The following FABP4 variants were observed in gnomAD, a reference collection of about 807,000 sequenced individuals.
FABP4 encodes the protein fatty acid-binding protein, adipocyte.
Under a neutral mutation model 14.6 loss-of-function variants are expected in FABP4, and 17 were observed. The ratio of observed to expected loss-of-function variants is 1.16; its 90% CI spans 0.80 to 1.74. FABP4 has a LOEUF of 1.74. Among genes scored for constraint, FABP4 ranks in the 40% most tolerant of loss-of-function variants. The probability of loss-of-function intolerance (pLI) is 0.00; values close to 1 mark genes in which losing one functional copy is unlikely to be tolerated. For synonymous variants in FABP4, 54 were observed against 54.6 expected (o/e 0.99, Z 0.05); for missense variants, 149 against 160.3 (o/e 0.93, Z 0.38).
chr8:81,480,392 G>T, intron 2 of FABP4, 34 bp downstream of exon 2: 2 of 1,599,910 alleles, frequency 1.3e-6, no homozygotes, highest in African/African-American at 1.3e-5. Context: ...TTAGAAACCA[G>T]GCATGTACTC....
rs1455076087 is a variant in FABP4 at position 81,478,837 on chromosome 8, A to T, written c.*28T>A. On this transcript the variant is annotated 3_prime_UTR_variant, in exon 4 of 4. Transcript: ENST00000256104. ...CAGAATGTTGTAGAGTTCAATGCGA[A>T]CTTCAGTCCAGGTCAACGTCCCTTG... is the stretch of plus-strand genomic sequence containing the variant. 1.2e-6 allele frequency: 2 copies of T among 1,602,896 alleles called. No individual in the cohort carries two copies. Among genetic ancestry groups the T allele is most frequent in the Admixed American group, 3.4e-5 (2 of 59,032 alleles).
In FABP4 at chr8:81,478,630, T is replaced by C. The variant is rs1808007500; in HGVS notation, c.*235A>G. 1 of 392,216 alleles carries C rather than the reference T, an allele frequency of 2.5e-6. No individual in the cohort carries two copies. Among genetic ancestry groups the C allele is most frequent in the Non-Finnish European group, 4.6e-6 (1 of 218,010 alleles). 24.3% of individuals were successfully genotyped at this position (392,216 alleles called of 1,614,324 possible). On this transcript the variant is annotated 3_prime_UTR_variant, in exon 4 of 4. Transcript: ENST00000256104. ...GAAATAATGCAAATTTCCCATTTCC[T>C]TCACTCAGTTATGACTAAGAATACA...
chr8:81,479,767 A>ATTTACG, intron 2 of FABP4: 1 of 309,006 alleles, frequency 3.2e-6, no homozygotes, highest in East Asian at 6.0e-5. Context: ...AGAAATTTAC[A>ATTTACG]TTGCGATGGT....
At position 81,479,508 on chromosome 8, in the gene FABP4, A is replaced by AT; in HGVS notation, c.253dup (p.Ile85AsnfsTer28). 2 of 1,612,726 alleles carry AT rather than the reference A, an allele frequency of 1.2e-6. No individual in the cohort carries two copies. The highest frequency in any genetic ancestry group is 3.3e-4 in the Middle Eastern group (2 of 6,052). On this transcript the variant is annotated frameshift_variant, in exon 3 of 4. Transcript: ENST00000256104. LOFTEE classifies it high-confidence loss of function. ...TACCAGGACACCCCCATCTAAGGTT[A>AT]TGGTGCTCTGTAGGCATAAGAAAAT... is the stretch of plus-strand genomic sequence containing the variant.
At chr8:81,478,959 A>G (rs1158988127) in intron 3 of FABP4, 44 bp from the exon 4 acceptor site, 1 of 1,507,516 alleles carries the variant, frequency 6.6e-7, no homozygotes, top group African/African-American at 1.4e-5. Flanking sequence ...GGATTAAACC[A>G]TGGATTTATT....
Position 81,478,897 on chromosome 8 carries a change from C to G in FABP4, c.367G>C (p.Val123Leu), listed in dbSNP as rs781501069. The G allele has an allele frequency of 6.2e-7, 1 of 1,613,140 alleles. No homozygotes were observed. The highest frequency in any genetic ancestry group is 8.5e-7 in the Non-Finnish European group (1 of 1,179,350). ...KLVVECVMKG[V>L]TSTRVYERA ...CTCTCATAAACTCTCGTGGAAGTGA[C>G]GCCTTTCATGACGCATTCCTAGACA... Residue 123 changes from valine to leucine, a missense_variant, in exon 4 of 4, where the codon GTC becomes CTC. Physicochemically the swap from Val to Leu is conservative, Grantham distance 32 (BLOSUM62 1). Coordinates refer to ENST00000256104, the MANE Select transcript of FABP4 (RefSeq NM_001442.3).
At position 81,478,714 on chromosome 8, in the gene FABP4, A is replaced by T; in HGVS notation, c.*151T>A. 1.6e-6 allele frequency: 1 copy of T among 609,576 alleles called. No individual in the cohort carries two copies. Among genetic ancestry groups the T allele is most frequent in the Non-Finnish European group, 2.8e-6 (1 of 358,370 alleles). 37.8% of individuals were successfully genotyped at this position (609,576 alleles called of 1,614,324 possible). A position where few individuals can be genotyped will look rare whatever the true frequency, so the allele number is the denominator to read the frequency against. The stretch of plus-strand genomic sequence containing the variant: ...TTCTAAATCTAAAAAAAGTTTATTT[A>T]ACCAACGTAACCATATTGAATAAAA... On this transcript the variant is annotated 3_prime_UTR_variant, in exon 4 of 4. Coordinates refer to ENST00000256104, the MANE Select transcript of FABP4 (RefSeq NM_001442.3).
intron 3 of FABP4, 70 bp downstream of exon 3, chr8:81,479,344 T>G: frequency 8.3e-7 from 1 of 1,207,422 alleles, no homozygotes; most frequent in Non-Finnish European, 1.2e-6. Context: ...ATCTGTTTCC[T>G]TAAGTGGAAT....
intron 2 of FABP4, 125 bp from the exon 3 acceptor site, chr8:81,479,640 G>A (rs1808038273): frequency 3.4e-6 from 2 of 592,174 alleles, no homozygotes; most frequent in South Asian, 2.5e-5. Flanking sequence ...AGAATATATT[G>A]CAACAAGAAA....
At chr8:81,481,578 T>C (rs1339720818) in intron 1 of FABP4, among the ~76,000 whole-genome samples, 2 of 152,182 alleles carry the variant, frequency 1.3e-5, no homozygotes, top group Non-Finnish European at 2.9e-5. Flanking sequence ...ATCTAAGCTC[T>C]TTCTTTGACT....
rs1808012242 is a variant in FABP4, at chr8:81,478,810, C to T, written c.*55G>A. On this transcript the variant is annotated 3_prime_UTR_variant, in exon 4 of 4. Coordinates refer to ENST00000256104, the MANE Select transcript of FABP4 (RefSeq NM_001442.3). The stretch of plus-strand genomic sequence containing the variant: ...CAATATCTTTTTGAACAATATATCC[C>T]ACAGAATGTTGTAGAGTTCAATGCG... 6 of 1,440,714 alleles carry T rather than the reference C, an allele frequency of 4.2e-6. No individual in the cohort carries two copies. Among genetic ancestry groups the T allele is most frequent in the South Asian group, 1.2e-5 (1 of 81,496 alleles). 89.2% of individuals were successfully genotyped at this position (1,440,714 alleles called of 1,614,324 possible).
intron 3 of FABP4, among the ~76,000 whole-genome samples, chr8:81,479,204 G>C (rs963926166): frequency 6.6e-6 from 1 of 152,180 alleles, no homozygotes; most frequent in Non-Finnish European, 1.5e-5. Context: ...AGGATGCCTG[G>C]AAGCAGGCAG....
In FABP4 at chr8:81,478,431, A is replaced by G. The variant is rs1808002928; in HGVS notation, c.*434T>C. 6.4e-6 allele frequency: 1 copy of G among 156,682 alleles called. No homozygotes were observed. The highest frequency in any genetic ancestry group is 2.4e-5 in the African/African-American group (1 of 41,468). 9.7% of individuals were successfully genotyped at this position (156,682 alleles called of 1,614,324 possible). ...AGCTTGCTGTGGACAATTTCACTACATTTAAAACTACCTTAGGTTTCTGAG... is the reference window on the plus strand; with the variant it reads ...AGCTTGCTGTGGACAATTTCACTACGTTTAAAACTACCTTAGGTTTCTGAG... On this transcript the variant is annotated 3_prime_UTR_variant, in exon 4 of 4. Transcript: ENST00000256104.
Position 81,480,539 on chromosome 8 carries a change from C to T in FABP4, c.133G>A (p.Val45Met), listed in dbSNP as rs777718554. Residue 45 changes from valine (V) to methionine (M), a missense_variant, in exon 2 of 4, where the codon GTG (valine) becomes ATG (methionine). Val to Met is a conservative substitution (Grantham distance 21). Transcript: ENST00000256104. ...TTAATGGTGATCACATCCCCATTCA[C>T]ACTGATGATCATGTTAGGTTTGGCC... ...GMAKPNMIIS[V>M]NGDVITIKSE... The T allele has an allele frequency of 3.7e-6, 6 of 1,613,570 alleles. No homozygotes were observed. Among genetic ancestry groups the T allele is most frequent in the Admixed American group, 3.3e-5 (2 of 59,954 alleles).
Position 81,478,884 on chromosome 8 carries a change from C to G in FABP4, c.380G>C (p.Arg127Thr). The G allele has an allele frequency of 6.2e-7, 1 of 1,613,176 alleles. No homozygotes were observed. Among genetic ancestry groups the G allele is most frequent in the Non-Finnish European group, 8.5e-7 (1 of 1,179,380 alleles). Reference protein sequence around the residue: ...ECVMKGVTSTRVYERA With the variant: ...ECVMKGVTSTTVYERA ...CTTGGCTTATGCTCTCTCATAAACTCTCGTGGAAGTGACGCCTTTCATGAC... is the reference window on the plus strand; with the variant it reads ...CTTGGCTTATGCTCTCTCATAAACTGTCGTGGAAGTGACGCCTTTCATGAC... The change falls in exon 4 of 4, where the codon AGA becomes ACA. Residue 127 changes from arginine (R) to threonine (T), a missense_variant. Coordinates refer to ENST00000256104, the MANE Select transcript of FABP4 (RefSeq NM_001442.3).
Position 81,480,549 on chromosome 8 carries a change from C to T in FABP4, c.123G>A (p.Met41Ile), listed in dbSNP as rs771035469. The change falls in exon 2 of 4, where the codon ATG (methionine) becomes ATA (isoleucine). Residue 41 changes from methionine to isoleucine, a missense_variant. Physicochemically the swap from Met to Ile is conservative, Grantham distance 10. Transcript: ENST00000256104. Reference sequence around the variant, plus strand: ...TCACATCCCCATTCACACTGATGATCATGTTAGGTTTGGCCATGCCAGCCA... The same window carrying T: ...TCACATCCCCATTCACACTGATGATTATGTTAGGTTTGGCCATGCCAGCCA... Reference protein sequence around the residue: ...RKVAGMAKPNMIISVNGDVIT... With the variant: ...RKVAGMAKPNIIISVNGDVIT... 6.2e-7 allele frequency: 1 copy of T among 1,613,404 alleles called. No homozygotes were observed. The highest frequency in any genetic ancestry group is 8.5e-7 in the Non-Finnish European group (1 of 1,179,648).
rs193008150 is a variant in FABP4, at chr8:81,480,152, T to C, written c.246+274A>G. On this transcript the variant is annotated intron_variant, in intron 2 of 3. Coordinates refer to ENST00000256104, the MANE Select transcript of FABP4 (RefSeq NM_001442.3). ...TGAACCCAGGAATTCGAGGCTGTAG[T>C]GAGCTATGATTGTGCCATGTCACCG... 5.3e-4 allele frequency among the ~76,000 whole-genome samples: 81 copies of C among 152,248 alleles called. 1 individual carries two copies. The East Asian group carries it at 7.5e-3, about 14-fold the overall frequency.
At position 81,479,494 on chromosome 8, in the gene FABP4, C is replaced by T; in HGVS notation, c.268G>A (p.Gly90Ser). Residue 90 changes from glycine to serine, a missense_variant, in exon 3 of 4, where the codon GGT becomes AGT. By Grantham distance (56) the Gly-to-Ser change is moderately conservative (BLOSUM62 0). Transcript: ENST00000256104. ...KVKSTITLDG[G>S]VLVHVQKWDG... ...CATTTCTGCACATGTACCAGGACAC[C>T]CCCATCTAAGGTTATGGTGCTCTGT... The T allele has an allele frequency of 6.2e-7, 1 of 1,613,070 alleles. No individual in the cohort carries two copies. Among genetic ancestry groups the T allele is most frequent in the Non-Finnish European group, 8.5e-7 (1 of 1,179,340 alleles).
At chr8:81,481,724 A>G (rs1230619645) in intron 1 of FABP4, among the ~76,000 whole-genome samples, 6 of 152,170 alleles carry the variant, frequency 3.9e-5, no homozygotes, top group African/African-American at 1.4e-4. Context: ...GCTCAGTTAC[A>G]AAATATAACA....
Sources: gnomAD v4.1 joint callset for allele counts (sites outside exome capture counted in the v4.1 genomes callset) on GRCh38, gnomAD v4.1.1 for gene constraint, MANE v1.5 for transcripts, NCBI Gene and HGNC (gene_info 2026-07-23, HGNC 2026-07-21) for gene names.